The following LAMA2 variants were observed in gnomAD, a reference collection of about 807,000 sequenced individuals.
LAMA2 encodes the protein laminin subunit alpha-2.
A neutral mutation model predicts 364.8 loss-of-function variants in LAMA2; 269 were observed. The ratio of observed to expected loss-of-function variants is 0.74; its 90% CI spans 0.67 to 0.82. LAMA2 has a LOEUF of 0.82. LAMA2 is among the 40% of genes least tolerant of loss of function. The probability of loss-of-function intolerance (pLI) is 0.00; values close to 1 mark genes in which losing one functional copy is unlikely to be tolerated. For missense variants in LAMA2, 3,807 were observed against 3,873.2 expected (o/e 0.98, Z 0.45); for synonymous variants, 1,379 against 1,370.6 (o/e 1.01, Z -0.14).
At chr6:128,929,869 G>A (rs1011580648) in intron 1 of LAMA2, 18 of 958,440 alleles carry the variant, frequency 1.9e-5, no homozygotes, top group Non-Finnish European at 2.7e-5. Flanking sequence ...ACTTCCACGA[G>A]TGAAGATCAG....
intron 12 of LAMA2, among the ~76,000 whole-genome samples, chr6:129,212,290 T>C (rs9402107): frequency 0.018 from 2,741 of 152,268 alleles, 92 homozygotes; most frequent in East Asian, 0.15. Flanking sequence ...AAACAAAGAA[T>C]TTGAAGACTG....
chr6:129,080,800 G>A (rs948985527), intron 3 of LAMA2, among the ~76,000 whole-genome samples: 3 of 152,214 alleles, frequency 2.0e-5, no homozygotes, highest in Admixed American at 6.5e-5. Context: ...TGGCGGGACT[G>A]TAAACTAGTT....
chr6:129,093,974 G>A (rs1161252330), intron 3 of LAMA2, among the ~76,000 whole-genome samples: 2 of 152,100 alleles, frequency 1.3e-5, no homozygotes, highest in African/African-American at 2.4e-5. Context: ...GACTGGGGTG[G>A]GGGTTAATCA....
At chr6:128,953,597 T>TTGTGTG (rs113782463) in intron 1 of LAMA2, among the ~76,000 whole-genome samples, 96 of 121,878 alleles carry the variant, frequency 7.9e-4, no homozygotes, top group African/African-American at 1.6e-3. Flanking sequence ...GCCCATGGAC[T>TTGTGTG]TGTGTGTGTG....
At chr6:129,353,488 T>C (rs1776979272) in intron 32 of LAMA2, 131 bp downstream of exon 32, 1 of 729,410 alleles carries the variant, frequency 1.4e-6, no homozygotes, top group South Asian at 1.6e-5. Context: ...CTTCATTCTT[T>C]CTGACACTAT....
At chr6:129,489,400 A>G (rs1476594728) in intron 56 of LAMA2, among the ~76,000 whole-genome samples, 1 of 152,008 alleles carries the variant, frequency 6.6e-6, no homozygotes, top group Non-Finnish European at 1.5e-5. Context: ...TCACTTTGGT[A>G]TCTAATTTCT....
rs140452212 is a variant in LAMA2, at chr6:129,080,793, C to T, written c.397-17380C>T. Among the ~76,000 whole-genome samples the T allele has an allele frequency of 6.9e-3, 1,049 of 152,210 alleles. 7 individuals carry two copies. Among genetic ancestry groups the T allele is most frequent in the African/African-American group, 0.024 (986 of 41,526 alleles). On this transcript the variant is annotated intron_variant, in intron 3 of 64. Transcript: ENST00000421865. ...AATAGGAATGCTTTTACACCGTTGG[C>T]GGGACTGTAAACTAGTTAAACCATT...
rs773563829 is a variant in LAMA2 at position 129,516,350 on chromosome 6, A to AAAAT, written c.*6_*9dup. 2.9e-5 allele frequency: 46 copies of AAAAT among 1,613,782 alleles called. No homozygotes were observed. In the Admixed American group the frequency reaches 4.5e-4, roughly 16 times the overall value. ...CTGTATCATGCCCAGCCAACTAATAAAAATAAGTGTAACCCCAGGAAGAGT... is the reference window on the plus strand; with the variant it reads ...CTGTATCATGCCCAGCCAACTAATAAAAATAAATAAGTGTAACCCCAGGAAGAGT... On this transcript the variant is annotated 3_prime_UTR_variant, in exon 65 of 65. Coordinates refer to ENST00000421865, the MANE Select transcript of LAMA2 (RefSeq NM_000426.4).
chr6:129,455,804 A>G (rs996424884), intron 47 of LAMA2, among the ~76,000 whole-genome samples: 1 of 152,190 alleles, frequency 6.6e-6, no homozygotes, highest in Non-Finnish European at 1.5e-5. Context: ...AAGATATACC[A>G]TTCTAGGAAG....
chr6:129,427,692 A>T (rs1290326849), intron 40 of LAMA2, 60 bp from the exon 41 acceptor site: 2 of 1,226,072 alleles, frequency 1.6e-6, no homozygotes, highest in African/African-American at 3.0e-5. Context: ...TGCCTTCTGG[A>T]TCCCTCCACT....
At chr6:129,141,017 C>T (rs1007821704) in intron 4 of LAMA2, among the ~76,000 whole-genome samples, 5 of 152,148 alleles carry the variant, frequency 3.3e-5, no homozygotes, top group Admixed American at 1.3e-4. Flanking sequence ...ATTCTTCATA[C>T]GGCACAAACA....
chr6:128,905,388 G>T (rs917079701), intron 1 of LAMA2: 2 of 151,718 alleles, frequency 1.3e-5, no homozygotes, highest in East Asian at 3.9e-4. Flanking sequence ...ATTTTTTTCT[G>T]TTCCATTGCA....
chr6:129,018,664 A>G (rs1785230266), intron 1 of LAMA2, among the ~76,000 whole-genome samples: 1 of 151,962 alleles, frequency 6.6e-6, no homozygotes, highest in Non-Finnish European at 1.5e-5. Flanking sequence ...TCCTATTCAT[A>G]TATCTCAACT....
At chr6:128,920,324 A>T (rs1778616190) in intron 1 of LAMA2, among the ~76,000 whole-genome samples, 1 of 151,660 alleles carries the variant, frequency 6.6e-6, no homozygotes, top group African/African-American at 2.4e-5. Context: ...CGCCCAGCTA[A>T]TTTTTGTATT....
In LAMA2 at chr6:129,326,782, TTA is replaced by T. The variant is rs1030910980; in HGVS notation, c.4177-1485_4177-1484del. On this transcript the variant is annotated intron_variant, in intron 28 of 64. Transcript: ENST00000421865. ...ATATATATAATATATAATTTATATATTATATATATATAATTAATATATATATT... is the reference window on the plus strand; with the variant it reads ...ATATATATAATATATAATTTATATATTATATATATAATTAATATATATATT... Among the ~76,000 whole-genome samples, 15 of 131,790 alleles carry T rather than the reference TTA, an allele frequency of 1.1e-4. No individual in the cohort carries two copies. In the East Asian group the frequency reaches 1.7e-3, roughly 15 times the overall value. The allele number at this position is 131,790 out of a possible 152,430, so 86.5% of individuals were successfully genotyped here. A position where few individuals can be genotyped will look rare whatever the true frequency, so the allele number is the denominator to read the frequency against.
chr6:129,164,026 T>A (rs1302221662), intron 8 of LAMA2, among the ~76,000 whole-genome samples: 2 of 152,306 alleles, frequency 1.3e-5, no homozygotes, highest in Non-Finnish European at 2.9e-5. Flanking sequence ...TTTATCAACT[T>A]CTTTTTTTAA....
intron 37 of LAMA2, among the ~76,000 whole-genome samples, chr6:129,399,760 G>A (rs2114688966): frequency 6.6e-6 from 1 of 152,296 alleles, no homozygotes; most frequent in South Asian, 2.1e-4. Flanking sequence ...CTAGTTGTAT[G>A]TACCTGGCAA....
chr6:129,087,135 G>A (rs367566091), intron 3 of LAMA2, among the ~76,000 whole-genome samples: 2 of 152,142 alleles, frequency 1.3e-5, no homozygotes, highest in African/African-American at 2.4e-5. Context: ...GCCATAAAAA[G>A]GGTCATATTC....
chr6:129,190,312 C>G lies in LAMA2; in HGVS notation c.1575C>G (p.Asn525Lys). Residue 525 changes from asparagine to lysine, a missense_variant, in exon 11 of 65, where the codon AAC becomes AAG. By Grantham distance (94) the Asn-to-Lys change is moderately conservative (BLOSUM62 0). Around this residue, in one of 3 missense-constraint regions of LAMA2, gnomAD observed 3,333 missense variants for 3,345.7 expected, o/e 1.00. Coordinates refer to ENST00000421865, the MANE Select transcript of LAMA2 (RefSeq NM_000426.4). ...AGTGTTTCTGTTCAGGGGTTTCAAA[C>G]AGATGTCAGAGTTCCTACTGGACCT... Reference protein sequence around the residue: ...CDECFCSGVSNRCQSSYWTYG... With the variant: ...CDECFCSGVSKRCQSSYWTYG... 6.2e-7 allele frequency: 1 copy of G among 1,613,588 alleles called. No individual in the cohort carries two copies. The highest frequency in any genetic ancestry group is 8.5e-7 in the Non-Finnish European group (1 of 1,179,552).
Sources: gnomAD v4.1 joint callset for allele counts (sites outside exome capture counted in the v4.1 genomes callset) on GRCh38, gnomAD v4.1.1 for gene constraint, gnomAD v4.1.1 regional missense constraint, MANE v1.5 for transcripts, NCBI Gene and HGNC (gene_info 2026-07-23, HGNC 2026-07-21) for gene names.